Variants in ACTR3C observed in about 807,000 individuals in gnomAD.
ACTR3C encodes the protein actin-related protein 3C.
In ACTR3C, 18 loss-of-function variants were observed where a neutral mutation model predicts 26.3. The ratio of observed to expected loss-of-function variants is 0.68; its 90% confidence interval spans 0.47 to 1.01. The LOEUF (loss-of-function observed/expected upper bound fraction) is 1.01. Ranked by LOEUF, ACTR3C falls within the 50% of genes least tolerant of loss-of-function variation. ACTR3C has a pLI of 0.00. For synonymous variants in ACTR3C, 55 were observed against 94.5 expected, an observed-to-expected ratio of 0.58 and a Z score of 2.42; for missense variants, 184 against 250.7, an observed-to-expected ratio of 0.73 and a Z score of 1.80.
the ACTR3C span, among the ~76,000 whole-genome samples, chr7:150,062,472 T>C: frequency 6.7e-6 from 1 of 148,408 alleles, no homozygotes; most frequent in Non-Finnish European, 1.5e-5. Context: ...TCATAACCAG[T>C]GTTTGTCACG....
chr7:150,041,804 C>G, the ACTR3C span, among the ~76,000 whole-genome samples: 5 of 116,988 alleles, frequency 4.3e-5, no homozygotes, highest in East Asian at 5.8e-4. Context: ...GGTGCCTCCC[C>G]CCCTGCGATG....
chr7:150,110,327 C>T, the ACTR3C span, among the ~76,000 whole-genome samples: 2 of 151,404 alleles, frequency 1.3e-5, no homozygotes, highest in African/African-American at 2.4e-5. Flanking sequence ...TGTTCTAGGG[C>T]AGAAGGATGT....
chr7:150,323,231 C>T (rs1797742558), intron 1 of ACTR3C: 1 of 242,782 alleles, frequency 4.1e-6, no homozygotes, highest in Non-Finnish European at 8.2e-6. Context: ...AACGTACCAA[C>T]TGCGAGGCGG....
At chr7:150,273,037 T>A (rs1300503502) in intron 6 of ACTR3C, among the ~76,000 whole-genome samples, 1 of 142,922 alleles carries the variant, frequency 7.0e-6, no homozygotes, top group Non-Finnish European at 1.5e-5. Flanking sequence ...AAGTAAACAT[T>A]TTTCTAAGAA....
At chr7:149,884,922 C>G in the ACTR3C span, among the ~76,000 whole-genome samples, 1 of 152,212 alleles carries the variant, frequency 6.6e-6, no homozygotes, top group Non-Finnish European at 1.5e-5. Flanking sequence ...AACCAGCTCC[C>G]AAGGGTTTTG....
the ACTR3C span, among the ~76,000 whole-genome samples, chr7:150,102,237 A>G: frequency 6.6e-6 from 1 of 151,668 alleles, no homozygotes; most frequent in Non-Finnish European, 1.5e-5. Context: ...GTCTGGGATG[A>G]CAGCTCCCCT....
intron 1 of ACTR3C, among the ~76,000 whole-genome samples, chr7:150,298,166 C>CT (rs1795101450): frequency 6.6e-6 from 1 of 150,784 alleles, no homozygotes; most frequent in African/African-American, 2.5e-5. Flanking sequence ...AACCTGGTCA[C>CT]TGATTACAGC....
At chr7:150,043,462 T>G in the ACTR3C span, among the ~76,000 whole-genome samples, 1 of 152,064 alleles carries the variant, frequency 6.6e-6, no homozygotes, top group East Asian at 1.9e-4. Flanking sequence ...TTGTACTAGC[T>G]GGGCAGTTGC....
chr7:149,886,881 G>A, the ACTR3C span, among the ~76,000 whole-genome samples: 1 of 151,822 alleles, frequency 6.6e-6, no homozygotes, highest in Non-Finnish European at 1.5e-5. Flanking sequence ...AAATACTTGA[G>A]CCCAGGAGGT....
the ACTR3C span, among the ~76,000 whole-genome samples, chr7:150,034,885 C>G: frequency 6.8e-6 from 1 of 146,562 alleles, no homozygotes; most frequent in Non-Finnish European, 1.5e-5. Flanking sequence ...CTCTCAGTCC[C>G]TACCTCGCGG....
intron 6 of ACTR3C, among the ~76,000 whole-genome samples, chr7:150,256,049 T>C (rs73728104): frequency 0.044 from 6,677 of 152,310 alleles, 469 homozygotes; most frequent in African/African-American, 0.15. Flanking sequence ...TGGTTATCAC[T>C]AAGTTGTTTT....
the ACTR3C span, among the ~76,000 whole-genome samples, chr7:150,199,725 C>CAAAAAAAA: frequency 3.5e-5 from 3 of 86,084 alleles, no homozygotes; most frequent in Admixed American, 2.9e-4. Context: ...ATATTTTTAT[C>CAAAAAAAA]AAAAAAAAAA....
chr7:150,181,382 AAGAC>A, the ACTR3C span, among the ~76,000 whole-genome samples: 1 of 150,924 alleles, frequency 6.6e-6, no homozygotes, highest in Non-Finnish European at 1.5e-5. Flanking sequence ...TAAAAATAAA[AAGAC>A]AGGCCGGGCA....
the ACTR3C span, among the ~76,000 whole-genome samples, chr7:149,979,768 G>T: frequency 2.6e-5 from 4 of 151,208 alleles, no homozygotes; most frequent in African/African-American, 4.9e-5. Context: ...GTCTAAGCAA[G>T]AAATTCTTTT....
the ACTR3C span, among the ~76,000 whole-genome samples, chr7:150,229,305 T>C: frequency 1.3e-5 from 2 of 152,274 alleles, no homozygotes; most frequent in Non-Finnish European, 2.9e-5. Flanking sequence ...TTAGCTGTCA[T>C]GTTAGCTGTA....
At chr7:150,146,910 T>G in the ACTR3C span, among the ~76,000 whole-genome samples, 2 of 152,234 alleles carry the variant, frequency 1.3e-5, no homozygotes, top group South Asian at 2.1e-4. Context: ...TTGCAGGGTT[T>G]ATTTGCTATA....
At chr7:150,311,824 C>T in intron 1 of ACTR3C, among the ~76,000 whole-genome samples, 1 of 152,176 alleles carries the variant, frequency 6.6e-6, no homozygotes, top group African/African-American at 2.4e-5. Flanking sequence ...TCCCAACAAG[C>T]GGAACTGATT....
chr7:150,199,314 C>T, the ACTR3C span, among the ~76,000 whole-genome samples: 1 of 125,548 alleles, frequency 8.0e-6, no homozygotes, highest in East Asian at 2.2e-4. Context: ...ACCCCCAACC[C>T]TGTGCTCTCT....
intron 1 of ACTR3C, among the ~76,000 whole-genome samples, chr7:150,314,358 A>G (rs1796614942): frequency 6.6e-6 from 1 of 152,170 alleles, no homozygotes; most frequent in Admixed American, 6.5e-5. Context: ...TTAAACTATT[A>G]ATAGGTAGAG....
Sources: allele counts gnomAD v4.1 joint callset (sites outside exome capture counted in the v4.1 genomes callset), GRCh38; gene constraint gnomAD v4.1.1; transcripts MANE v1.5; gene names NCBI Gene and HGNC (gene_info 2026-07-23, HGNC 2026-07-21).